Variants in ARIH1 observed in about 807,000 individuals in gnomAD.
ARIH1 encodes the protein ariadne RBR E3 ubiquitin protein ligase 1.
Under a neutral mutation model 85.0 loss-of-function variants are expected in ARIH1, and 8 were observed. The ratio of observed to expected loss-of-function variants is 0.09; its 90% CI spans 0.06 to 0.17. The LOEUF (loss-of-function observed/expected upper bound fraction) is 0.17. Among genes scored for constraint, ARIH1 ranks in the 10% least tolerant of loss-of-function variants. The probability of loss-of-function intolerance (pLI) is 1.00; values close to 1 mark genes in which losing one functional copy is unlikely to be tolerated. For synonymous variants in ARIH1, 238 were observed against 253.6 expected, an observed-to-expected ratio of 0.94 and a Z score of 0.59; for missense variants, 311 against 718.1, an observed-to-expected ratio of 0.43 and a Z score of 6.48.
chr15:72,566,302 A>G (rs1029596586), intron 7 of ARIH1: 5 of 428,354 alleles, frequency 1.2e-5, no homozygotes, highest in African/African-American at 8.3e-5. Flanking sequence ...CTTAGCAACA[A>G]TTATTATGAA....
rs2064337753 is a variant in ARIH1, at chr15:72,590,338, C to G, written c.*7046C>G. The G allele has an allele frequency of 1.3e-5, 2 of 152,218 alleles. No individual in the cohort carries two copies. The highest frequency in any genetic ancestry group is 2.9e-5 in the Non-Finnish European group (2 of 68,050). The allele number at this position is 152,218 out of a possible 1,614,324, so 9.4% of individuals were successfully genotyped here. ...GTATATAGACTGATTAGGGGACTTC[C>G]AACCTAAGATTGTCCTGGAAACTTA... is the stretch of plus-strand genomic sequence containing the variant. On this transcript the variant is annotated 3_prime_UTR_variant, in exon 14 of 14. Coordinates refer to ENST00000379887, the MANE Select transcript of ARIH1 (RefSeq NM_005744.5).
chr15:72,511,098 C>T (rs1200977457), intron 1 of ARIH1, among the ~76,000 whole-genome samples: 5 of 151,982 alleles, frequency 3.3e-5, no homozygotes, highest in Admixed American at 3.3e-4. Context: ...TTTTCCAATC[C>T]ATGAAGATGG....
At chr15:72,499,943 A>G (rs1194598109) in intron 1 of ARIH1, among the ~76,000 whole-genome samples, 1 of 152,180 alleles carries the variant, frequency 6.6e-6, no homozygotes, top group Non-Finnish European at 1.5e-5. Flanking sequence ...TTAGGCTGTT[A>G]CTTATTGTGG....
At chr15:72,538,476 A>G (rs2064092559) in intron 2 of ARIH1, among the ~76,000 whole-genome samples, 1 of 152,188 alleles carries the variant, frequency 6.6e-6, no homozygotes, top group Non-Finnish European at 1.5e-5. Context: ...TACTTCTCCA[A>G]TAGTTGTTGG....
intron 7 of ARIH1, among the ~76,000 whole-genome samples, chr15:72,566,099 G>T (rs1489963947): frequency 2.0e-5 from 3 of 152,150 alleles, no homozygotes; most frequent in Non-Finnish European, 4.4e-5. Context: ...CTACAGGGCG[G>T]AGGTTCATTT....
intron 2 of ARIH1, among the ~76,000 whole-genome samples, chr15:72,526,792 GTCTTT>G (rs1484421167): frequency 1.3e-5 from 2 of 150,884 alleles, no homozygotes; most frequent in African/African-American, 2.4e-5. Flanking sequence ...TAACTTTATG[GTCTTT>G]TCTTTTATCC....
intron 1 of ARIH1, among the ~76,000 whole-genome samples, chr15:72,493,483 C>G (rs981820545): frequency 1.3e-5 from 2 of 152,086 alleles, no homozygotes; most frequent in Non-Finnish European, 2.9e-5. Context: ...TTGTTCATAC[C>G]CTCATTGCAG....
chr15:72,519,330 T>C (rs1398138070), intron 2 of ARIH1, among the ~76,000 whole-genome samples: 1 of 151,900 alleles, frequency 6.6e-6, no homozygotes. Context: ...AAATAATATC[T>C]ATTGTTACTA....
At chr15:72,563,553 C>T (rs1384978165) in intron 7 of ARIH1, 53 bp downstream of exon 7, 2 of 1,452,578 alleles carry the variant, frequency 1.4e-6, no homozygotes, top group African/African-American at 1.4e-5. Flanking sequence ...TTCCATTTCT[C>T]CTGTTTATTC....
chr15:72,515,161 C>A (rs561749064), intron 1 of ARIH1, among the ~76,000 whole-genome samples: 11 of 151,960 alleles, frequency 7.2e-5, no homozygotes, highest in Admixed American at 5.9e-4. Flanking sequence ...CATGGAGAAA[C>A]CCTGTCTCTA....
At chr15:72,496,940 C>T (rs2063882494) in intron 1 of ARIH1, 1 of 700,700 alleles carries the variant, frequency 1.4e-6, no homozygotes, top group African/African-American at 1.9e-5. Context: ...GCAACCAGTA[C>T]CTCATTATTT....
At chr15:72,556,482 G>A (rs897787675) in intron 5 of ARIH1, among the ~76,000 whole-genome samples, 2 of 152,236 alleles carry the variant, frequency 1.3e-5, no homozygotes, top group Admixed American at 1.3e-4. Context: ...GGGAGTCATG[G>A]TCTTTGCTGA....
intron 3 of ARIH1, among the ~76,000 whole-genome samples, chr15:72,546,716 C>G (rs1317959576): frequency 2.0e-5 from 3 of 151,092 alleles, no homozygotes; most frequent in Non-Finnish European, 4.4e-5. Context: ...TTTGTAGAGA[C>G]GGGGTTTCAC....
In ARIH1 at chr15:72,590,941, G is replaced by C. The variant is rs554443420; in HGVS notation, c.*7649G>C. On this transcript the variant is annotated 3_prime_UTR_variant, in exon 14 of 14. Transcript: ENST00000379887. ...GGGTGCTCATAGAAATATAAAACAAGGCTGGGCATGGCGGCTTACACCTTG... is the reference window on the plus strand; with the variant it reads ...GGGTGCTCATAGAAATATAAAACAACGCTGGGCATGGCGGCTTACACCTTG... 1 of 152,132 alleles carries C rather than the reference G, an allele frequency of 6.6e-6. No homozygotes were observed. The highest frequency in any genetic ancestry group is 2.1e-4 in the South Asian group (1 of 4,816). 9.4% of individuals were successfully genotyped at this position (152,132 alleles called of 1,614,324 possible).
chr15:72,513,748 T>TCCCTCC (rs2063960923), intron 1 of ARIH1, among the ~76,000 whole-genome samples: 1 of 11,310 alleles, frequency 8.8e-5, no homozygotes, highest in Non-Finnish European at 1.9e-4. Context: ...TCCCCCTCCC[T>TCCCTCC]CCCTCCCCCT....
chr15:72,575,551 C>CAAAAA (rs59727915), intron 11 of ARIH1, among the ~76,000 whole-genome samples: 1 of 60,562 alleles, frequency 1.7e-5, no homozygotes, highest in African/African-American at 6.4e-5. Flanking sequence ...ACCCTGTCTC[C>CAAAAA]AAAAAAAAAA....
At chr15:72,487,173 A>G (rs559036376) in intron 1 of ARIH1, among the ~76,000 whole-genome samples, 5 of 152,004 alleles carry the variant, frequency 3.3e-5, no homozygotes, top group Non-Finnish European at 5.9e-5. Context: ...CTGACAATAC[A>G]TTTTGGCAAA....
intron 2 of ARIH1, among the ~76,000 whole-genome samples, chr15:72,541,954 G>A (rs2064109294): frequency 6.6e-6 from 1 of 152,212 alleles, no homozygotes; most frequent in South Asian, 2.1e-4. Context: ...TCTAATGGGG[G>A]TGGAAGTGAG....
At chr15:72,560,129 A>G (rs1031311437) in intron 5 of ARIH1, among the ~76,000 whole-genome samples, 4 of 152,234 alleles carry the variant, frequency 2.6e-5, no homozygotes, top group African/African-American at 9.7e-5. Context: ...CTCATTTAAA[A>G]AATATTAATT....
Sources: gnomAD v4.1 joint callset for allele counts (sites outside exome capture counted in the v4.1 genomes callset) on GRCh38, gnomAD v4.1.1 for gene constraint, MANE v1.5 for transcripts, NCBI Gene and HGNC (gene_info 2026-07-23, HGNC 2026-07-21) for gene names.